Variants in ENOX1 observed in about 807,000 individuals in gnomAD.
The protein encoded by ENOX1 is ecto-NOX disulfide-thiol exchanger 1.
Under a neutral mutation model 82.5 loss-of-function variants are expected in ENOX1, and 42 were observed. The ratio of observed to expected loss-of-function variants is 0.51; its 90% CI spans 0.40 to 0.66. ENOX1 has a LOEUF of 0.66. ENOX1 is among the 30% of genes least tolerant of loss of function. ENOX1 has a pLI of 0.00. For missense variants in ENOX1, 608 were observed against 811.6 expected (o/e 0.75, Z 3.05); for synonymous variants, 271 against 282.2 (o/e 0.96, Z 0.40).
intron 2 of ENOX1, among the ~76,000 whole-genome samples, chr13:43,641,529 ATTTT>A (rs769737189): frequency 9.6e-5 from 8 of 83,124 alleles, no homozygotes; most frequent in Admixed American, 3.9e-4. Flanking sequence ...TTAATTTTTA[ATTTT>A]TTTTTTTTTT....
At chr13:43,752,845 AG>A (rs573343191) in intron 1 of ENOX1, among the ~76,000 whole-genome samples, 103 of 151,306 alleles carry the variant, frequency 6.8e-4, no homozygotes, top group Non-Finnish European at 1.4e-3. Context: ...TGGCTATTCC[AG>A]GTTCATTGCA....
At chr13:43,532,470 T>G (rs924989090) in intron 2 of ENOX1, among the ~76,000 whole-genome samples, 12 of 152,166 alleles carry the variant, frequency 7.9e-5, no homozygotes, top group Non-Finnish European at 1.2e-4. Flanking sequence ...TTTTTTGCCT[T>G]TTTTACTGTG....
At chr13:43,542,715 C>T (rs996459158) in intron 2 of ENOX1, among the ~76,000 whole-genome samples, 3 of 152,152 alleles carry the variant, frequency 2.0e-5, no homozygotes, top group Admixed American at 1.3e-4. Context: ...GGATTACAGG[C>T]GTGAGCCACG....
At chr13:43,601,965 A>T (rs1295339355) in intron 2 of ENOX1, among the ~76,000 whole-genome samples, 1 of 152,142 alleles carries the variant, frequency 6.6e-6, no homozygotes, top group Non-Finnish European at 1.5e-5. Flanking sequence ...TATCCTTCAA[A>T]TAGGAAGGAG....
At chr13:43,467,145 G>A (rs1057146075) in intron 3 of ENOX1, among the ~76,000 whole-genome samples, 1 of 152,142 alleles carries the variant, frequency 6.6e-6, no homozygotes, top group Admixed American at 6.5e-5. Context: ...CTATACCTAG[G>A]AGCGAGATAA....
chr13:43,593,174 C>T (rs185398587), intron 2 of ENOX1, among the ~76,000 whole-genome samples: 22 of 152,304 alleles, frequency 1.4e-4, no homozygotes, highest in Admixed American at 1.4e-3. Flanking sequence ...AGTGACTTCT[C>T]ATCTGTTTAC....
chr13:43,451,598 T>C (rs1470215074), intron 3 of ENOX1, among the ~76,000 whole-genome samples: 2 of 152,138 alleles, frequency 1.3e-5, no homozygotes, highest in African/African-American at 2.4e-5. Context: ...ACAAAACACT[T>C]TAAATGGGAG....
intron 11 of ENOX1, chr13:43,321,009 CATT>C: frequency 2.2e-6 from 1 of 455,870 alleles, no homozygotes; most frequent in Non-Finnish European, 4.4e-6. Flanking sequence ...AGACATACAT[CATT>C]GACACATAAG....
intron 2 of ENOX1, among the ~76,000 whole-genome samples, chr13:43,557,136 C>G (rs181659237): frequency 2.0e-5 from 3 of 152,262 alleles, no homozygotes; most frequent in Non-Finnish European, 2.9e-5. Context: ...GACTGCATAT[C>G]TTAAGGTAGG....
At chr13:43,444,578 C>T (rs1193650861) in intron 3 of ENOX1, among the ~76,000 whole-genome samples, 2 of 152,124 alleles carry the variant, frequency 1.3e-5, no homozygotes, top group Admixed American at 6.5e-5. Flanking sequence ...GACTGTGACC[C>T]GTTTCACAGT....
intron 1 of ENOX1, among the ~76,000 whole-genome samples, chr13:43,762,368 C>A (rs1951035242): frequency 1.6e-4 from 25 of 152,214 alleles, no homozygotes; most frequent in Admixed American, 1.6e-3. Flanking sequence ...AGCCACGTTT[C>A]AGTCTTCTCA....
Position 43,571,278 on chromosome 13 carries a change from T to C in ENOX1, c.-218-87126A>G, listed in dbSNP as rs528867957. 2.0e-5 allele frequency among the ~76,000 whole-genome samples: 3 copies of C among 152,320 alleles called. No homozygotes were observed. The South Asian group carries it at 6.2e-4, about 32-fold the overall frequency. On this transcript the variant is annotated intron_variant, in intron 2 of 16. Coordinates refer to ENST00000690772, the MANE Select transcript of ENOX1 (RefSeq NM_001347969.2). ...ACATTCTCCAATTCGGTCATGCTGG[T>C]AATAAAGCTTATGGTATACACTCCA... is the stretch of plus-strand genomic sequence containing the variant.
intron 2 of ENOX1, among the ~76,000 whole-genome samples, chr13:43,665,003 G>A (rs966523399): frequency 6.6e-6 from 1 of 152,208 alleles, no homozygotes; most frequent in African/African-American, 2.4e-5. Context: ...CTCCTGCGGG[G>A]CTGGAAAAGC....
intron 2 of ENOX1, among the ~76,000 whole-genome samples, chr13:43,626,243 G>A (rs1054455889): frequency 3.3e-5 from 5 of 151,524 alleles, no homozygotes; most frequent in African/African-American, 1.2e-4. Flanking sequence ...TGTCAGTCTT[G>A]CTAGAAGCTA....
chr13:43,214,595 C>T (rs1199051186), intron 16 of ENOX1, among the ~76,000 whole-genome samples: 1 of 152,182 alleles, frequency 6.6e-6, no homozygotes, highest in African/African-American at 2.4e-5. Context: ...CCTTAATTTT[C>T]ACATAGACCA....
At chr13:43,384,618 C>T (rs1231364242) in intron 5 of ENOX1, among the ~76,000 whole-genome samples, 2 of 152,180 alleles carry the variant, frequency 1.3e-5, no homozygotes, top group Non-Finnish European at 2.9e-5. Context: ...CAGGTTTTTC[C>T]GCTATGCCAT....
chr13:43,364,081 A>T (rs1166650524), intron 5 of ENOX1, among the ~76,000 whole-genome samples: 1 of 151,714 alleles, frequency 6.6e-6, no homozygotes, highest in African/African-American at 2.4e-5. Context: ...TTTAAGAAAA[A>T]AAAAGAACCC....
intron 8 of ENOX1, among the ~76,000 whole-genome samples, chr13:43,354,864 GA>G (rs1356280145): frequency 2.0e-5 from 3 of 152,034 alleles, no homozygotes; most frequent in Non-Finnish European, 4.4e-5. Context: ...TTATCCTGGG[GA>G]AAAAAATCTT....
chr13:43,561,839 G>A lies in ENOX1; in HGVS notation c.-218-77687C>T, dbSNP rs1243950404. ...CTACAAAAATACAAAAATTAGCCAG[G>A]CGTGATGGTGTACATCTATAGTACC... On this transcript the variant is annotated intron_variant, in intron 2 of 16. Transcript: ENST00000690772. Among the ~76,000 whole-genome samples, 3 of 152,116 alleles carry A rather than the reference G, an allele frequency of 2.0e-5. No homozygotes were observed. In the East Asian group the frequency reaches 5.8e-4, roughly 29 times the overall value.
Sources: gnomAD v4.1 joint callset for allele counts (sites outside exome capture counted in the v4.1 genomes callset) on GRCh38, gnomAD v4.1.1 for gene constraint, MANE v1.5 for transcripts, NCBI Gene and HGNC (gene_info 2026-07-23, HGNC 2026-07-21) for gene names.